The following URI1 variants were observed in gnomAD, a reference collection of about 807,000 sequenced individuals.
URI1 encodes the protein URI1 prefoldin like chaperone.
In URI1, 39 loss-of-function variants were observed where a neutral mutation model predicts 60.2. The ratio of observed to expected loss-of-function variants is 0.65; its 90% CI spans 0.50 to 0.85. URI1 has a LOEUF of 0.85. URI1 is among the 40% of genes least tolerant of loss of function. The pLI is 0.00. For synonymous variants in URI1, 251 were observed against 236.8 expected, an observed-to-expected ratio of 1.06 and a Z score of -0.55; for missense variants, 691 against 665.9, an observed-to-expected ratio of 1.04 and a Z score of -0.42.
Position 29,975,650 on chromosome 19 carries a change from C to T in URI1, c.152+4423C>T, listed in dbSNP as rs561394275. On this transcript the variant is annotated intron_variant, in intron 2 of 10. Transcript: ENST00000392271. Reference sequence around the variant, plus strand: ...TCCGAAGTAGCTGAGATTACAGGCGCGTGCCGCCATGCCCAGCTAATTTTT... The same window carrying T: ...TCCGAAGTAGCTGAGATTACAGGCGTGTGCCGCCATGCCCAGCTAATTTTT... 2.1e-4 allele frequency among the ~76,000 whole-genome samples: 32 copies of T among 152,144 alleles called. No individual in the cohort carries two copies. In the South Asian group the frequency reaches 2.3e-3, roughly 11 times the overall value.
chr19:29,997,680 C>A (rs1285093774), intron 4 of URI1, among the ~76,000 whole-genome samples: 1 of 151,870 alleles, frequency 6.6e-6, no homozygotes, highest in Non-Finnish European at 1.5e-5. Flanking sequence ...TAGGTATTTA[C>A]AGCTATAAAT....
At chr19:29,995,126 A>G (rs2055795623) in intron 4 of URI1, among the ~76,000 whole-genome samples, 2 of 152,116 alleles carry the variant, frequency 1.3e-5, no homozygotes, top group African/African-American at 4.8e-5. Flanking sequence ...CTTTCACAGC[A>G]GCTGTACCAT....
At chr19:29,963,382 C>T (rs150604817) in intron 1 of URI1, among the ~76,000 whole-genome samples, 8 of 152,210 alleles carry the variant, frequency 5.3e-5, no homozygotes, top group Middle Eastern at 3.4e-3. Context: ...GTTTAATCTT[C>T]TTTTAATGCC....
chr19:29,937,059 C>A (rs904788696), intron 1 of URI1, among the ~76,000 whole-genome samples: 1 of 152,082 alleles, frequency 6.6e-6, no homozygotes, highest in African/African-American at 2.4e-5. Flanking sequence ...GCCTATTTTT[C>A]GTTATTTATT....
rs5827680 is a variant in URI1 at position 29,927,261 on chromosome 19, C to CT, written c.63+3525dup. ...AGAGATGAAGTCTAATTTCATCCCT[C>CT]TTTTTTTTTTTTTTTTTTCTGAAAT... On this transcript the variant is annotated intron_variant, in intron 1 of 10. Transcript: ENST00000360605. Among the ~76,000 whole-genome samples, 188 of 124,832 alleles carry CT rather than the reference C, an allele frequency of 1.5e-3. 1 individual carries two copies. The highest frequency in any genetic ancestry group is 4.1e-3 in the African/African-American group (141 of 34,292). The allele number at this position is 124,832 out of a possible 152,430, so 81.9% of individuals were successfully genotyped here. A position where few individuals can be genotyped will look rare whatever the true frequency, so the allele number is the denominator to read the frequency against.
chr19:30,005,823 A>G, intron 6 of URI1, 115 bp downstream of exon 6: 2 of 905,814 alleles, frequency 2.2e-6, no homozygotes, highest in Non-Finnish European at 3.2e-6. Context: ...AATTCATAGG[A>G]TGCCAACATT....
intron 1 of URI1, among the ~76,000 whole-genome samples, chr19:29,953,869 A>G (rs151056560): frequency 6.6e-6 from 1 of 151,434 alleles, no homozygotes; most frequent in Admixed American, 6.6e-5. Context: ...TTTTTTTCTT[A>G]ATAGGAAAAT....
intron 1 of URI1, among the ~76,000 whole-genome samples, chr19:29,965,762 A>G (rs2055384333): frequency 6.6e-6 from 1 of 152,224 alleles, no homozygotes; most frequent in African/African-American, 2.4e-5. Flanking sequence ...GTAATAGAAT[A>G]CTTAAGATAG....
Position 30,015,106 on chromosome 19 carries a change from C to CT in URI1, c.*38dup, listed in dbSNP as rs2056069893. 6.3e-7 allele frequency: 1 copy of CT among 1,594,780 alleles called. No homozygotes were observed. Among genetic ancestry groups the CT allele is most frequent in the Non-Finnish European group, 8.5e-7 (1 of 1,172,064 alleles). ...GAAATGGGAATTTACATCCTAAAAC[C>CT]TAGTTGTTCATTTGTTTAGAGTATC... On this transcript the variant is annotated 3_prime_UTR_variant, in exon 11 of 11. Transcript: ENST00000392271.
At chr19:29,953,388 A>G (rs753823198) in intron 1 of URI1, among the ~76,000 whole-genome samples, 6 of 152,216 alleles carry the variant, frequency 3.9e-5, no homozygotes, top group Non-Finnish European at 5.9e-5. Flanking sequence ...TCATTGGTCA[A>G]GAGTGCTACT....
In URI1 at chr19:30,015,617, A is replaced by G; in HGVS notation, c.*548A>G. ...ATCTTTAAGGAAGAAAGCTACATGA[A>G]TTAATTGTACTCTATGGGAAAATTT... is the stretch of plus-strand genomic sequence containing the variant. On this transcript the variant is annotated 3_prime_UTR_variant, in exon 11 of 11. Transcript: ENST00000392271. 6.0e-6 allele frequency: 9 copies of G among 1,510,778 alleles called. No homozygotes were observed. Among genetic ancestry groups the G allele is most frequent in the Non-Finnish European group, 7.1e-6 (8 of 1,131,688 alleles). 93.6% of individuals were successfully genotyped at this position (1,510,778 alleles called of 1,614,324 possible).
At chr19:30,005,504 A>G (rs943672698) in intron 5 of URI1, 52 bp downstream of exon 5, 2 of 1,500,154 alleles carry the variant, frequency 1.3e-6, no homozygotes, top group Non-Finnish European at 1.8e-6. Context: ...TTTCAAAGAA[A>G]TATGAAGCTA....
intron 2 of URI1, among the ~76,000 whole-genome samples, chr19:29,974,191 G>A (rs190079219): frequency 6.6e-6 from 1 of 152,136 alleles, no homozygotes; most frequent in Admixed American, 6.5e-5. Context: ...TAACTCACAG[G>A]GTTGTAGTGA....
intron 1 of URI1, among the ~76,000 whole-genome samples, chr19:29,931,448 A>C (rs941167047): frequency 6.6e-6 from 1 of 152,094 alleles, no homozygotes. Flanking sequence ...GCTCTCTGGT[A>C]TCTCTGCCAG....
At chr19:29,986,091 G>T (rs113206265) in intron 3 of URI1, among the ~76,000 whole-genome samples, 191 bp from the exon 4 acceptor site, 47 of 152,204 alleles carry the variant, frequency 3.1e-4, no homozygotes, top group African/African-American at 9.9e-4. Context: ...TGAACATAAA[G>T]CAATTTTCTT....
At chr19:30,005,174 C>CTA (rs2055924681) in intron 4 of URI1, among the ~76,000 whole-genome samples, 187 bp from the exon 5 acceptor site, 1 of 151,718 alleles carries the variant, frequency 6.6e-6, no homozygotes, top group African/African-American at 2.4e-5. Flanking sequence ...AAGTAATGTG[C>CTA]TATATATATA....
chr19:29,953,066 G>A (rs562003872), intron 1 of URI1, among the ~76,000 whole-genome samples: 1 of 152,096 alleles, frequency 6.6e-6, no homozygotes, highest in South Asian at 2.1e-4. Context: ...TATATTCATT[G>A]ATTGTTGATT....
intron 7 of URI1, 141 bp downstream of exon 7, chr19:30,007,779 A>G (rs2055963949): frequency 8.6e-6 from 6 of 696,882 alleles, no homozygotes; most frequent in Non-Finnish European, 1.3e-5. Flanking sequence ...TAATCCTTTC[A>G]CCTCAAGATG....
chr19:29,972,749 C>T (rs1253399534), intron 2 of URI1, among the ~76,000 whole-genome samples: 1 of 151,982 alleles, frequency 6.6e-6, no homozygotes, highest in Non-Finnish European at 1.5e-5. Context: ...TTTACAAATA[C>T]TCTAGTAGTG....
Sources: allele counts gnomAD v4.1 joint callset (sites outside exome capture counted in the v4.1 genomes callset), GRCh38; gene constraint gnomAD v4.1.1; transcripts MANE v1.5; gene names NCBI Gene and HGNC (gene_info 2026-07-23, HGNC 2026-07-21).